The following NELL1 variants were observed in gnomAD, a reference collection of about 807,000 sequenced individuals.
NELL1 encodes the protein neural EGFL like 1.
In NELL1, 76 loss-of-function variants were observed where a neutral mutation model predicts 107.4. The observed-to-expected ratio is 0.71, with a 90% CI of 0.59 to 0.86. The LOEUF (loss-of-function observed/expected upper bound fraction) is 0.86. NELL1 is among the 40% of genes least tolerant of loss of function. NELL1 has a pLI of 0.00. For synonymous variants in NELL1, 353 were observed against 341.2 expected, an observed-to-expected ratio of 1.03 and a Z score of -0.38; for missense variants, 1,024 against 1,005.5, an observed-to-expected ratio of 1.02 and a Z score of -0.25.
chr11:21,467,150 G>C (rs1854052209), intron 15 of NELL1, among the ~76,000 whole-genome samples: 1 of 152,050 alleles, frequency 6.6e-6, no homozygotes, highest in Non-Finnish European at 1.5e-5. Context: ...TTAAAAGCAA[G>C]GATTCTGGAG....
At chr11:20,826,379 T>C (rs908421174) in intron 3 of NELL1, among the ~76,000 whole-genome samples, 3 of 151,290 alleles carry the variant, frequency 2.0e-5, no homozygotes, top group African/African-American at 7.3e-5. Context: ...TTACATGCAT[T>C]ACTTTCACTC....
At chr11:21,031,419 G>A (rs1222485256) in intron 12 of NELL1, among the ~76,000 whole-genome samples, 1 of 152,190 alleles carries the variant, frequency 6.6e-6, no homozygotes, top group East Asian at 1.9e-4. Flanking sequence ...ATGCAAGGTA[G>A]CAGCATTGTG....
chr11:21,102,943 A>G (rs888874631), intron 12 of NELL1, among the ~76,000 whole-genome samples: 5 of 152,194 alleles, frequency 3.3e-5, no homozygotes, highest in African/African-American at 9.6e-5. Flanking sequence ...AGTCACATAT[A>G]TAAGAATTTG....
rs1344872319 is a variant in NELL1, at chr11:20,716,630, G to A, written c.184+38570G>A. Among the ~76,000 whole-genome samples the A allele has an allele frequency of 2.0e-5, 3 of 152,296 alleles. No homozygotes were observed. The East Asian group carries it at 5.8e-4, about 29-fold the overall frequency. ...GTCCATATACAAGATAGATAGTAGA[G>A]AGGGCTTATGTCTAGTGGCAAAATG... On this transcript the variant is annotated intron_variant, in intron 2 of 19. Transcript: ENST00000357134.
At chr11:21,155,077 T>C (rs1364182250) in intron 13 of NELL1, among the ~76,000 whole-genome samples, 2 of 152,216 alleles carry the variant, frequency 1.3e-5, no homozygotes, top group African/African-American at 4.8e-5. Context: ...AGGGTAGATT[T>C]GATATAAGGT....
Position 21,104,300 on chromosome 11 carries a change from C to T in NELL1, c.1301-9289C>T, listed in dbSNP as rs192292525. Among the ~76,000 whole-genome samples, 373 of 152,118 alleles carry T rather than the reference C, an allele frequency of 2.5e-3. 3 individuals carry two copies. Among genetic ancestry groups the T allele is most frequent in the African/African-American group, 8.3e-3 (345 of 41,486 alleles). Reference sequence around the variant, plus strand: ...CATTTAACATCAGTTTTATGGACACCCTCAAAAGTCAGAAATACCAGGTTG... The same window carrying T: ...CATTTAACATCAGTTTTATGGACACTCTCAAAAGTCAGAAATACCAGGTTG... On this transcript the variant is annotated intron_variant, in intron 12 of 19. Transcript: ENST00000357134.
At chr11:21,487,385 C>G (rs2133909387) in intron 15 of NELL1, among the ~76,000 whole-genome samples, 1 of 152,260 alleles carries the variant, frequency 6.6e-6, no homozygotes, top group Admixed American at 6.5e-5. Context: ...GGGATAAAGT[C>G]TTTCCCAGAG....
chr11:21,231,686 G>A (rs566612612), intron 14 of NELL1, among the ~76,000 whole-genome samples: 4 of 152,100 alleles, frequency 2.6e-5, no homozygotes, highest in Non-Finnish European at 5.9e-5. Flanking sequence ...TTTCACCTTC[G>A]TAGAATTTTG....
chr11:21,362,823 T>G (rs34252255), intron 14 of NELL1, among the ~76,000 whole-genome samples: 1 of 151,626 alleles, frequency 6.6e-6, no homozygotes. Context: ...ACGCAAGTCT[T>G]GGCTCAGACT....
chr11:20,986,189 G>A (rs1025786296), intron 12 of NELL1, among the ~76,000 whole-genome samples: 3 of 152,134 alleles, frequency 2.0e-5, no homozygotes, highest in African/African-American at 4.8e-5. Flanking sequence ...AAGCCAGGGA[G>A]CCTTCAGCAG....
chr11:21,379,684 T>C (rs1036503146), intron 15 of NELL1, among the ~76,000 whole-genome samples: 1 of 152,108 alleles, frequency 6.6e-6, no homozygotes, highest in African/African-American at 2.4e-5. Context: ...TTTTTGAACC[T>C]TTTCTAAAGG....
chr11:21,393,256 T>C (rs1441170392), intron 15 of NELL1, among the ~76,000 whole-genome samples: 2 of 151,718 alleles, frequency 1.3e-5, no homozygotes, highest in Non-Finnish European at 3.0e-5. Context: ...GTTAATTAAA[T>C]CTGCAGATGG....
intron 14 of NELL1, among the ~76,000 whole-genome samples, chr11:21,316,852 A>C (rs1267054564): frequency 6.6e-6 from 1 of 152,062 alleles, no homozygotes; most frequent in East Asian, 1.9e-4. Context: ...GCTGGGGAAG[A>C]GGCAGGGAAA....
chr11:21,197,954 C>T (rs775158600), intron 13 of NELL1, among the ~76,000 whole-genome samples: 6 of 152,206 alleles, frequency 3.9e-5, no homozygotes, highest in Non-Finnish European at 1.5e-5. Context: ...CGCCATTTTA[C>T]TGTGCTCATA....
At chr11:20,850,822 A>G (rs1236624254) in intron 4 of NELL1, among the ~76,000 whole-genome samples, 2 of 152,300 alleles carry the variant, frequency 1.3e-5, no homozygotes, top group Non-Finnish European at 2.9e-5. Flanking sequence ...CCTCTACTAT[A>G]GGCCAGGTAA....
intron 2 of NELL1, among the ~76,000 whole-genome samples, chr11:20,741,370 T>C (rs1855885961): frequency 6.6e-6 from 1 of 152,166 alleles, no homozygotes; most frequent in Admixed American, 6.5e-5. Flanking sequence ...CTTAAGAAAG[T>C]GTCATACTGT....
chr11:21,057,889 T>C (rs1394131892), intron 12 of NELL1, among the ~76,000 whole-genome samples: 2 of 152,124 alleles, frequency 1.3e-5, no homozygotes, highest in African/African-American at 4.8e-5. Flanking sequence ...CAAACATGCT[T>C]ACATGGTTTA....
At chr11:20,874,215 A>G (rs931436522) in intron 4 of NELL1, among the ~76,000 whole-genome samples, 1 of 152,066 alleles carries the variant, frequency 6.6e-6, no homozygotes, top group Non-Finnish European at 1.5e-5. Context: ...TTATAGGCAC[A>G]TGCCAACACA....
chr11:20,753,232 C>T (rs1856183042), intron 2 of NELL1, among the ~76,000 whole-genome samples: 1 of 152,184 alleles, frequency 6.6e-6, no homozygotes, highest in South Asian at 2.1e-4. Flanking sequence ...GAGGGATGTG[C>T]TAATGGCTTC....
Sources: gnomAD v4.1 joint callset for allele counts (sites outside exome capture counted in the v4.1 genomes callset) on GRCh38, gnomAD v4.1.1 for gene constraint, MANE v1.5 for transcripts, NCBI Gene and HGNC (gene_info 2026-07-23, HGNC 2026-07-21) for gene names.